Variants in DLC1 observed in about 807,000 individuals in gnomAD.
The protein encoded by DLC1 is rho GTPase-activating protein 7.
Under a neutral mutation model 140.3 loss-of-function variants are expected in DLC1, and 54 were observed. The observed-to-expected ratio is 0.38, with a 90% CI of 0.31 to 0.48. The LOEUF (loss-of-function observed/expected upper bound fraction) is 0.48, where lower values mean the gene tolerates loss of function less well. Ranked by LOEUF, DLC1 falls within the 20% of genes least tolerant of loss-of-function variation. The pLI is 0.96. For missense variants in DLC1, 2,536 were observed against 1,907.0 expected, an observed-to-expected ratio of 1.33 and a Z score of -6.14; for synonymous variants, 986 against 728.1, an observed-to-expected ratio of 1.35 and a Z score of -5.70.
chr8:13,175,610 C>T (rs562708172), intron 5 of DLC1, among the ~76,000 whole-genome samples: 30 of 152,170 alleles, frequency 2.0e-4, no homozygotes, highest in Non-Finnish European at 4.1e-4. Flanking sequence ...AAGTAGTACA[C>T]CAATCACTCA....
chr8:13,519,856 C>T (rs985363629), upstream of DLC1, among the ~76,000 whole-genome samples: 3 of 152,156 alleles, frequency 2.0e-5, no homozygotes, highest in African/African-American at 7.2e-5. Flanking sequence ...TATGTAGCAA[C>T]AGACATATGA....
chr8:13,378,682 T>G (rs1348732401), intron 4 of DLC1, among the ~76,000 whole-genome samples: 1 of 152,180 alleles, frequency 6.6e-6, no homozygotes, highest in Admixed American at 6.5e-5. Context: ...GTTCTTTTGT[T>G]TGTAACAATA....
rs187158202 is a variant in DLC1 at position 13,591,294 on chromosome 8, C to T, written c.-126+13243G>A. Among the ~76,000 whole-genome samples the T allele has an allele frequency of 2.6e-5, 4 of 152,124 alleles. No homozygotes were observed. The South Asian group carries it at 6.2e-4, about 24-fold the overall frequency. Reference sequence around the variant, plus strand: ...CATCTTGAATTGTAATCCCATAATCCCCACATATCATGGGAGGGACGCAGT... The same window carrying T: ...CATCTTGAATTGTAATCCCATAATCTCCACATATCATGGGAGGGACGCAGT... On this transcript the variant is annotated intron_variant, in intron 1 of 1. Coordinates refer to the DLC1 transcript ENST00000631382.
At chr8:13,231,815 G>T (rs539859058) in intron 5 of DLC1, among the ~76,000 whole-genome samples, 3 of 152,176 alleles carry the variant, frequency 2.0e-5, no homozygotes, top group Admixed American at 6.5e-5. Context: ...TCTTTAAAAG[G>T]TCTCTGCAAA....
intron 5 of DLC1, among the ~76,000 whole-genome samples, chr8:13,192,952 G>A (rs967679844): frequency 1.3e-5 from 2 of 152,172 alleles, no homozygotes; most frequent in African/African-American, 2.4e-5. Flanking sequence ...AGTTTGTGGC[G>A]TTTAATATGG....
intron 2 of DLC1, among the ~76,000 whole-genome samples, chr8:13,471,637 C>T (rs1366696425): frequency 2.6e-5 from 4 of 151,262 alleles, no homozygotes; most frequent in South Asian, 4.2e-4. Flanking sequence ...CCCTATGACA[C>T]GAGTTTACCT....
intron 5 of DLC1, among the ~76,000 whole-genome samples, chr8:13,194,132 C>T (rs1045131769): frequency 4.6e-5 from 7 of 152,208 alleles, no homozygotes; most frequent in African/African-American, 1.7e-4. Flanking sequence ...AGCACTTAAT[C>T]TTCTAGGAAG....
chr8:13,191,926 G>GATT (rs143940185), intron 5 of DLC1, among the ~76,000 whole-genome samples: 57,026 of 141,674 alleles, frequency 0.4, 12,781 homozygotes, highest in Non-Finnish European at 0.51. Context: ...GGAGTGGCCT[G>GATT]ATTATTATTA....
chr8:13,598,955 A>G (rs754865685), intron 1 of DLC1, among the ~76,000 whole-genome samples: 6 of 152,000 alleles, frequency 3.9e-5, no homozygotes. Context: ...ACAATTTAAA[A>G]TAACCTATAG....
intron 1 of DLC1, among the ~76,000 whole-genome samples, chr8:13,554,420 G>C (rs13266011): frequency 0.79 from 119,392 of 152,056 alleles, 47,177 homozygotes; most frequent in East Asian, 0.96. Flanking sequence ...TCCCCTTGGT[G>C]TCAGACTTAT....
chr8:13,250,686 A>G (rs569200528), intron 5 of DLC1, among the ~76,000 whole-genome samples: 1 of 152,256 alleles, frequency 6.6e-6, no homozygotes, highest in Admixed American at 6.5e-5. Context: ...TGGGGCTCCC[A>G]TAACAGAATG....
At chr8:13,558,978 G>C (rs1434510681) in intron 1 of DLC1, 1 of 151,740 alleles carries the variant, frequency 6.6e-6, no homozygotes, top group Non-Finnish European at 1.5e-5. Flanking sequence ...TGCAAACATA[G>C]CAGAAGCTGG....
At chr8:13,116,315 G>C (rs146994719) in intron 5 of DLC1, 4 of 810,550 alleles carry the variant, frequency 4.9e-6, no homozygotes, top group Middle Eastern at 6.3e-4. Context: ...ACATCTTGTA[G>C]ATAGAATCGA....
chr8:13,470,826 G>C (rs933363360), intron 2 of DLC1, among the ~76,000 whole-genome samples: 5 of 152,160 alleles, frequency 3.3e-5, no homozygotes, highest in Admixed American at 3.3e-4. Flanking sequence ...GGCACCCCAT[G>C]TTCACTGCAG....
At chr8:13,435,608 C>T (rs896068559) in intron 2 of DLC1, among the ~76,000 whole-genome samples, 1 of 152,128 alleles carries the variant, frequency 6.6e-6, no homozygotes, top group African/African-American at 2.4e-5. Context: ...GCCACTGTGC[C>T]CAGCGAGGAG....
chr8:13,208,745 GACAC>G (rs56989279), intron 5 of DLC1, among the ~76,000 whole-genome samples: 11,782 of 147,706 alleles, frequency 0.08, 1,047 homozygotes, highest in African/African-American at 0.22. Context: ...CATACACACA[GACAC>G]ACACACACAC....
In DLC1 at chr8:13,593,360, A is replaced by G. The variant is rs549416744; in HGVS notation, c.-126+11177T>C. The stretch of plus-strand genomic sequence containing the variant: ...AAATATTTCCAGTTCTTCTGGGCAC[A>G]AAGTAGGATTGCAATTCTTTGCTCC... On this transcript the variant is annotated intron_variant, in intron 1 of 1. Coordinates refer to the DLC1 transcript ENST00000631382. 1.7e-3 allele frequency among the ~76,000 whole-genome samples: 252 copies of G among 152,244 alleles called. 1 individual carries two copies. The highest frequency in any genetic ancestry group is 5.8e-3 in the African/African-American group (243 of 41,550).
At chr8:13,546,841 C>T (rs946892585) in intron 1 of DLC1, among the ~76,000 whole-genome samples, 13 of 152,118 alleles carry the variant, frequency 8.5e-5, no homozygotes, top group African/African-American at 3.1e-4. Flanking sequence ...CATAACTTGG[C>T]AAGAGTCTCT....
intron 2 of DLC1, among the ~76,000 whole-genome samples, chr8:13,425,262 A>T (rs914913634): frequency 6.6e-6 from 1 of 152,172 alleles, no homozygotes; most frequent in Non-Finnish European, 1.5e-5. Context: ...AATTAACCAC[A>T]TGTTAGTGTT....
Sources: gnomAD v4.1 joint callset for allele counts (sites outside exome capture counted in the v4.1 genomes callset) on GRCh38, gnomAD v4.1.1 for gene constraint, MANE v1.5 for transcripts, NCBI Gene and HGNC (gene_info 2026-07-23, HGNC 2026-07-21) for gene names.